ADGRB3: variants seen among roughly 807,000 people sequenced by gnomAD.
ADGRB3 encodes the protein brain-specific angiogenesis inhibitor 3.
In ADGRB3, 37 loss-of-function variants were observed where a neutral mutation model predicts 193.4. The ratio of observed to expected loss-of-function variants is 0.19; its 90% CI spans 0.15 to 0.25. The LOEUF is 0.25. Among genes scored for constraint, ADGRB3 ranks in the 10% least tolerant of loss-of-function variants. The pLI, the probability that ADGRB3 is intolerant of heterozygous loss-of-function variation, is 1.00. For synonymous variants in ADGRB3, 690 were observed against 644.2 expected (o/e 1.07, Z -1.08); for missense variants, 1,637 against 1,852.9 (o/e 0.88, Z 2.14).
chr6:68,850,509 G>A (rs542051811), intron 3 of ADGRB3, among the ~76,000 whole-genome samples: 4 of 152,042 alleles, frequency 2.6e-5, no homozygotes, highest in African/African-American at 9.6e-5. Context: ...GGGTTGTGGG[G>A]ATCTGAATAG....
At chr6:68,695,531 C>T (rs1242687979) in intron 3 of ADGRB3, among the ~76,000 whole-genome samples, 1 of 151,982 alleles carries the variant, frequency 6.6e-6, no homozygotes, top group Non-Finnish European at 1.5e-5. Context: ...AAGATGGCGT[C>T]AGGATGTAAA....
chr6:68,735,978 T>A (rs1765863469), intron 3 of ADGRB3, among the ~76,000 whole-genome samples: 1 of 152,140 alleles, frequency 6.6e-6, no homozygotes, highest in Admixed American at 6.6e-5. Flanking sequence ...TGACTTAAAA[T>A]AGCTTACCAA....
intron 3 of ADGRB3, among the ~76,000 whole-genome samples, chr6:68,866,552 C>A (rs984413451): frequency 6.6e-6 from 1 of 152,046 alleles, no homozygotes; most frequent in Non-Finnish European, 1.5e-5. Flanking sequence ...AATGTGGAAG[C>A]GACTTTGGAA....
chr6:69,028,218 T>A (rs994146003), intron 13 of ADGRB3, among the ~76,000 whole-genome samples: 7 of 152,176 alleles, frequency 4.6e-5, no homozygotes, highest in Admixed American at 3.9e-4. Context: ...CCCTACCACT[T>A]TTGTGTGACT....
chr6:69,015,624 T>G (rs1037140743), intron 12 of ADGRB3, among the ~76,000 whole-genome samples: 2 of 151,970 alleles, frequency 1.3e-5, no homozygotes, highest in Non-Finnish European at 2.9e-5. Context: ...TCCTTATTTT[T>G]GAGTAATAGC....
intron 30 of ADGRB3, among the ~76,000 whole-genome samples, chr6:69,382,543 A>G (rs570458415): frequency 6.6e-6 from 1 of 152,080 alleles, no homozygotes; most frequent in South Asian, 2.1e-4. Flanking sequence ...ACTTTTGAAT[A>G]ATGAAAATCT....
chr6:68,837,967 G>T (rs13362679), intron 3 of ADGRB3, among the ~76,000 whole-genome samples: 36 of 152,162 alleles, frequency 2.4e-4, no homozygotes, highest in African/African-American at 8.7e-4. Flanking sequence ...TGATAGTTAT[G>T]CCTTGATTCT....
At chr6:69,334,749 A>G (rs769011552) in intron 24 of ADGRB3, among the ~76,000 whole-genome samples, 6 of 152,230 alleles carry the variant, frequency 3.9e-5, no homozygotes, top group Non-Finnish European at 7.3e-5. Flanking sequence ...ATAAACTTAC[A>G]TAATTTAAAC....
chr6:69,265,455 C>T (rs796623539), intron 20 of ADGRB3, among the ~76,000 whole-genome samples: 12 of 152,008 alleles, frequency 7.9e-5, no homozygotes, highest in African/African-American at 2.9e-4. Flanking sequence ...CTGTTCTTAT[C>T]CCCCATGTTC....
chr6:69,387,955 T>A (rs1003129260), intron 31 of ADGRB3, among the ~76,000 whole-genome samples: 20 of 152,076 alleles, frequency 1.3e-4, no homozygotes, highest in Admixed American at 1.3e-3. Flanking sequence ...GCTTCTAAGA[T>A]CATTTTAATA....
At chr6:68,882,655 T>C (rs1195145040) in intron 3 of ADGRB3, among the ~76,000 whole-genome samples, 1 of 152,184 alleles carries the variant, frequency 6.6e-6, no homozygotes, top group Non-Finnish European at 1.5e-5. Context: ...ACTCCTCCCT[T>C]AAGTCCTGGC....
intron 24 of ADGRB3, among the ~76,000 whole-genome samples, chr6:69,337,988 A>C (rs887012595): frequency 6.6e-6 from 1 of 152,198 alleles, no homozygotes; most frequent in African/African-American, 2.4e-5. Context: ...GTTGTTTGGA[A>C]TTTTTAATTC....
In ADGRB3 at chr6:68,793,427, ATC is replaced by A. The variant is rs540521355; in HGVS notation, c.758-137130_758-137129del. 3.0e-3 allele frequency among the ~76,000 whole-genome samples: 457 copies of A among 152,272 alleles called. 6 individuals carry two copies. The highest frequency in any genetic ancestry group is 0.011 in the African/African-American group (445 of 41,554). On this transcript the variant is annotated intron_variant, in intron 3 of 31. Coordinates refer to ENST00000370598, the MANE Select transcript of ADGRB3 (RefSeq NM_001704.3). ...CATATTATTTATAGCTACAGATCAT[ATC>A]TTTATATCCTTTCTAGTGTGAATTA...
At chr6:68,951,355 C>G (rs1487744759) in intron 6 of ADGRB3, among the ~76,000 whole-genome samples, 3 of 152,086 alleles carry the variant, frequency 2.0e-5, no homozygotes, top group African/African-American at 7.2e-5. Context: ...ATCGTCGTCT[C>G]CTGAGACTGC....
Position 69,197,593 on chromosome 6 carries a change from T to C in ADGRB3, c.2481-35697T>C, listed in dbSNP as rs561621017. 1.8e-3 allele frequency among the ~76,000 whole-genome samples: 273 copies of C among 152,188 alleles called. 2 individuals carry two copies. Among genetic ancestry groups the C allele is most frequent in the Admixed American group, 5.2e-3 (79 of 15,272 alleles). ...TATCTTAGATGTTTACAATTTACATTGCAACTGACTTCCACTCACCTGTTT... is the reference window on the plus strand; with the variant it reads ...TATCTTAGATGTTTACAATTTACATCGCAACTGACTTCCACTCACCTGTTT... On this transcript the variant is annotated intron_variant, in intron 17 of 31. Transcript: ENST00000370598.
intron 17 of ADGRB3, among the ~76,000 whole-genome samples, chr6:69,089,520 A>T (rs996185817): frequency 2.0e-5 from 3 of 152,222 alleles, no homozygotes; most frequent in Admixed American, 6.5e-5. Flanking sequence ...GGGTTAAGTA[A>T]ATTATTGATT....
intron 3 of ADGRB3, among the ~76,000 whole-genome samples, chr6:68,729,539 T>G (rs1476491771): frequency 6.6e-6 from 1 of 151,480 alleles, no homozygotes; most frequent in Non-Finnish European, 1.5e-5. Flanking sequence ...GCCCCATAGA[T>G]CCATAGCCTG....
intron 3 of ADGRB3, among the ~76,000 whole-genome samples, chr6:68,817,957 T>C (rs865958224): frequency 1.3e-5 from 2 of 152,108 alleles, no homozygotes; most frequent in African/African-American, 4.8e-5. Context: ...AAACACTTGA[T>C]TGACGAAATT....
intron 20 of ADGRB3, among the ~76,000 whole-genome samples, chr6:69,285,898 A>G (rs1219776633): frequency 2.0e-5 from 3 of 151,808 alleles, no homozygotes; most frequent in African/African-American, 4.8e-5. Flanking sequence ...TTCTACCAAC[A>G]TAAGTCTACC....
Sources: allele counts gnomAD v4.1 joint callset (sites outside exome capture counted in the v4.1 genomes callset), GRCh38; gene constraint gnomAD v4.1.1; transcripts MANE v1.5; gene names NCBI Gene and HGNC (gene_info 2026-07-23, HGNC 2026-07-21).